Variants in FER observed in about 807,000 individuals in gnomAD.
FER encodes the protein FER tyrosine kinase.
In FER, 63 loss-of-function variants were observed where a neutral mutation model predicts 111.0. The ratio of observed to expected loss-of-function variants is 0.57; its 90% CI spans 0.46 to 0.70. FER has a LOEUF of 0.70. FER is among the 30% of genes least tolerant of loss of function. FER has a pLI of 0.00. For missense variants in FER, 914 were observed against 954.0 expected (o/e 0.96, Z 0.55); for synonymous variants, 327 against 313.9 (o/e 1.04, Z -0.44).
At chr5:108,846,102 G>T (rs1188667071) in intron 5 of FER, among the ~76,000 whole-genome samples, 3 of 152,144 alleles carry the variant, frequency 2.0e-5, no homozygotes, top group Non-Finnish European at 4.4e-5. Flanking sequence ...TGAGGATAAT[G>T]CTGGCCTCAG....
At chr5:108,800,264 G>A (rs10073668) in intron 3 of FER, among the ~76,000 whole-genome samples, 58,762 of 151,956 alleles carry the variant, frequency 0.39, 13,297 homozygotes, top group African/African-American at 0.63. Flanking sequence ...CATAGTTTCT[G>A]TTTTCTTTGT....
At chr5:108,981,134 T>C (rs72789347) in intron 13 of FER, among the ~76,000 whole-genome samples, 17,540 of 152,054 alleles carry the variant, frequency 0.12, 1,097 homozygotes, top group Middle Eastern at 0.16. Context: ...TAAAAGGTAA[T>C]ACACAATCGC....
rs1461569444 is a variant in FER, at chr5:108,997,234, T to A, written c.1656+37887T>A. On this transcript the variant is annotated intron_variant, in intron 13 of 19. Transcript: ENST00000281092. ...TCCTGGCTAACACGGTGAAACCCCG[T>A]CTCTACTAAAAAAAAAAAAAAAATA... 4.8e-5 allele frequency among the ~76,000 whole-genome samples: 6 copies of A among 126,262 alleles called. No individual in the cohort carries two copies. The East Asian group carries it at 1.2e-3, about 26-fold the overall frequency. The allele number at this position is 126,262 out of a possible 152,430, so 82.8% of individuals were successfully genotyped here. A position where few individuals can be genotyped will look rare whatever the true frequency, so the allele number is the denominator to read the frequency against.
intron 5 of FER, among the ~76,000 whole-genome samples, chr5:108,858,766 AT>A (rs75243334): frequency 0.18 from 22,201 of 124,080 alleles, 1,990 homozygotes; most frequent in African/African-American, 0.32. Flanking sequence ...CAGTTTTTTC[AT>A]TTTTTTTTTT....
intron 4 of FER, 112 bp from the exon 5 acceptor site, chr5:108,835,596 C>A: frequency 5.0e-6 from 3 of 599,280 alleles, no homozygotes; most frequent in East Asian, 3.3e-5. Context: ...TAAAGGACAA[C>A]TCTGACCTGT....
rs191521275 is a variant in FER at position 109,182,599 on chromosome 5, C to T, written c.2203+1698C>T. ...TTTTCAAGCACTAAGGAAGCTGTAA[C>T]TGGGCTTGGGAGTCCTTGAATTTGC... On this transcript the variant is annotated intron_variant, in intron 18 of 19. Coordinates refer to ENST00000281092, the MANE Select transcript of FER (RefSeq NM_005246.4). Among the ~76,000 whole-genome samples, 4 of 152,256 alleles carry T rather than the reference C, an allele frequency of 2.6e-5. No homozygotes were observed. In the East Asian group the frequency reaches 7.8e-4, roughly 30 times the overall value.
intron 16 of FER, among the ~76,000 whole-genome samples, chr5:109,064,169 G>A (rs919824856): frequency 6.6e-6 from 1 of 152,138 alleles, no homozygotes; most frequent in African/African-American, 2.4e-5. Context: ...GGCCATTCCT[G>A]CAGATACTAA....
In FER at chr5:108,873,668, C is replaced by A. The variant is rs150897683; in HGVS notation, c.923+1456C>A. Among the ~76,000 whole-genome samples, 1,155 of 152,200 alleles carry A rather than the reference C, an allele frequency of 7.6e-3. 16 individuals are homozygous for A. The highest frequency in any genetic ancestry group is 0.014 in the Middle Eastern group (4 of 294). On this transcript the variant is annotated intron_variant, in intron 8 of 19. Transcript: ENST00000281092. The stretch of plus-strand genomic sequence containing the variant: ...TTTTTCATGCCCTATACAGGGGTCT[C>A]ACTTGACTAGGTTTCTGACCATTGA...
chr5:108,752,976 G>A (rs1750665204), intron 1 of FER, among the ~76,000 whole-genome samples: 1 of 151,988 alleles, frequency 6.6e-6, no homozygotes, highest in Non-Finnish European at 1.5e-5. Context: ...AGATAATCGG[G>A]TTTTAGTTCC....
chr5:109,144,397 T>C (rs1324306959), intron 17 of FER, among the ~76,000 whole-genome samples: 2 of 152,084 alleles, frequency 1.3e-5, no homozygotes, highest in Non-Finnish European at 2.9e-5. Flanking sequence ...TTCCTTGAGA[T>C]CTGAGTCTTC....
At chr5:108,864,373 T>G (rs529862008) in intron 5 of FER, among the ~76,000 whole-genome samples, 3 of 152,172 alleles carry the variant, frequency 2.0e-5, no homozygotes, top group Non-Finnish European at 4.4e-5. Flanking sequence ...TCTGTTGTTC[T>G]TCCTAGGAAT....
chr5:109,032,479 A>G lies in FER; in HGVS notation c.1657-4943A>G, dbSNP rs116355073. Among the ~76,000 whole-genome samples, 1,038 of 152,052 alleles carry G rather than the reference A, an allele frequency of 6.8e-3. 14 individuals are homozygous for G. Among genetic ancestry groups the G allele is most frequent in the African/African-American group, 0.023 (965 of 41,456 alleles). On this transcript the variant is annotated intron_variant, in intron 13 of 19. Transcript: ENST00000281092. ...CCTTGTGCTTCTCAAATTAACTACT[A>G]CTTGCATTTGAATCCTTGTCTCAGG...
intron 13 of FER, among the ~76,000 whole-genome samples, chr5:109,036,506 C>T (rs1423118851): frequency 6.6e-6 from 1 of 151,970 alleles, no homozygotes; most frequent in Non-Finnish European, 1.5e-5. Context: ...ATCATCATTA[C>T]ATTTCCATCT....
At chr5:108,936,546 A>G (rs1273253155) in intron 10 of FER, among the ~76,000 whole-genome samples, 3 of 151,952 alleles carry the variant, frequency 2.0e-5, no homozygotes, top group African/African-American at 2.4e-5. Context: ...GTGTACAACA[A>G]TTCTCATGGG....
intron 17 of FER, among the ~76,000 whole-genome samples, chr5:109,136,525 G>C (rs1752914157): frequency 6.6e-6 from 1 of 152,014 alleles, no homozygotes; most frequent in Admixed American, 6.6e-5. Flanking sequence ...GTACTGCTTA[G>C]AAAGACAATC....
chr5:109,166,135 T>TG (rs960165719), intron 17 of FER, among the ~76,000 whole-genome samples: 8 of 145,904 alleles, frequency 5.5e-5, no homozygotes, highest in African/African-American at 2.0e-4. Context: ...TGAGATTTTC[T>TG]TTTTTTTTTT....
intron 13 of FER, among the ~76,000 whole-genome samples, chr5:109,035,922 A>C (rs1770327208): frequency 6.6e-6 from 1 of 152,086 alleles, no homozygotes; most frequent in African/African-American, 2.4e-5. Context: ...AATGATGTTA[A>C]GTGTCTCTGA....
intron 17 of FER, among the ~76,000 whole-genome samples, chr5:109,158,756 C>G (rs1446125010): frequency 6.6e-6 from 1 of 152,096 alleles, no homozygotes; most frequent in African/African-American, 2.4e-5. Context: ...TCCCTGAACT[C>G]ACTTCTCACT....
chr5:108,939,728 A>G (rs376919978), intron 10 of FER, among the ~76,000 whole-genome samples: 1 of 151,952 alleles, frequency 6.6e-6, no homozygotes, highest in Admixed American at 6.6e-5. Context: ...TAATTTTTCT[A>G]TATTTTTATT....
Sources: allele counts gnomAD v4.1 joint callset (sites outside exome capture counted in the v4.1 genomes callset), GRCh38; gene constraint gnomAD v4.1.1; transcripts MANE v1.5; gene names NCBI Gene and HGNC (gene_info 2026-07-23, HGNC 2026-07-21).